Variants in CADM2 observed in about 807,000 individuals in gnomAD.
CADM2 encodes the protein cell adhesion molecule 2.
Under a neutral mutation model 49.8 loss-of-function variants are expected in CADM2, and 12 were observed. That is an observed-to-expected ratio of 0.24 (90% CI 0.15 to 0.39). The LOEUF (loss-of-function observed/expected upper bound fraction) is 0.39, where lower values mean the gene tolerates loss of function less well. Ranked by LOEUF, CADM2 falls within the 10% of genes least tolerant of loss-of-function variation. CADM2 has a pLI of 1.00. For missense variants in CADM2, 378 were observed against 492.3 expected (o/e 0.77, Z 2.20); for synonymous variants, 214 against 175.4 (o/e 1.22, Z -1.74).
At chr3:85,922,776 T>C (rs1719299689) in intron 6 of CADM2, among the ~76,000 whole-genome samples, 3 of 152,118 alleles carry the variant, frequency 2.0e-5, no homozygotes, top group African/African-American at 7.2e-5. Context: ...CATTTTCATT[T>C]TTAGATTTAT....
chr3:85,392,522 A>C (rs552320823), intron 1 of CADM2, among the ~76,000 whole-genome samples: 1 of 152,214 alleles, frequency 6.6e-6, no homozygotes, highest in East Asian at 1.9e-4. Context: ...GTGCCATCTA[A>C]GTCTTTTCTT....
intron 3 of CADM2, among the ~76,000 whole-genome samples, chr3:85,881,891 G>C (rs1421148847): frequency 6.6e-6 from 1 of 152,018 alleles, no homozygotes; most frequent in African/African-American, 2.4e-5. Flanking sequence ...TTCTCATAAG[G>C]GGCACGCAAC....
intron 1 of CADM2, among the ~76,000 whole-genome samples, chr3:85,530,321 CGTT>C (rs2061271419): frequency 8.4e-6 from 1 of 119,054 alleles, no homozygotes; most frequent in Non-Finnish European, 1.6e-5. Context: ...TTCTTTTCTC[CGTT>C]TTTTTTTTTT....
intron 1 of CADM2, among the ~76,000 whole-genome samples, chr3:84,978,726 A>G (rs899106023): frequency 1.3e-5 from 2 of 152,136 alleles, no homozygotes; most frequent in African/African-American, 2.4e-5. Flanking sequence ...GTTCTTTTTT[A>G]TCAGAAATTT....
At chr3:85,504,581 C>A (rs1237557143) in intron 1 of CADM2, among the ~76,000 whole-genome samples, 1 of 152,196 alleles carries the variant, frequency 6.6e-6, no homozygotes, top group Non-Finnish European at 1.5e-5. Context: ...TTCTCCATGT[C>A]CCCATCAAAT....
chr3:85,228,867 G>T (rs1206000102), intron 1 of CADM2, among the ~76,000 whole-genome samples: 3 of 152,134 alleles, frequency 2.0e-5, no homozygotes, highest in Non-Finnish European at 4.4e-5. Flanking sequence ...GAGAACCACT[G>T]CTCTCTTCAG....
intron 1 of CADM2, among the ~76,000 whole-genome samples, chr3:84,973,910 A>G (rs910737734): frequency 2.0e-5 from 3 of 152,134 alleles, no homozygotes; most frequent in Admixed American, 1.3e-4. Context: ...TTTATTCAAT[A>G]TGTTTGAAAT....
intron 2 of CADM2, among the ~76,000 whole-genome samples, 199 bp downstream of exon 2, chr3:85,726,747 T>C (rs972106447): frequency 1.3e-5 from 2 of 152,106 alleles, no homozygotes; most frequent in Admixed American, 6.5e-5. Context: ...TGAATGTTTG[T>C]GAGTTTGTTT....
chr3:86,020,085 G>T (rs560760835), intron 8 of CADM2, among the ~76,000 whole-genome samples: 2 of 151,932 alleles, frequency 1.3e-5, no homozygotes, highest in African/African-American at 4.8e-5. Context: ...TTGATGGACC[G>T]CTAGCAAGAC....
intron 8 of CADM2, among the ~76,000 whole-genome samples, chr3:85,982,076 G>A (rs540825537): frequency 8.6e-5 from 13 of 151,678 alleles, no homozygotes; most frequent in South Asian, 2.1e-4. Context: ...ATTTCATTGC[G>A]GTTTTGATTT....
At chr3:85,124,758 C>G (rs957486607) in intron 1 of CADM2, among the ~76,000 whole-genome samples, 1 of 151,974 alleles carries the variant, frequency 6.6e-6, no homozygotes, top group Non-Finnish European at 1.5e-5. Context: ...TTACATTAGC[C>G]AAAATTCAGC....
chr3:85,793,091 G>T (rs1471124662), intron 2 of CADM2, among the ~76,000 whole-genome samples: 3 of 151,718 alleles, frequency 2.0e-5, no homozygotes, highest in Non-Finnish European at 2.9e-5. Flanking sequence ...ATTCAAAAAA[G>T]GTTTGACCAT....
In CADM2 at chr3:85,966,391, C is replaced by A. The variant is rs1022369269; in HGVS notation, c.970+4744C>A. On this transcript the variant is annotated intron_variant, in intron 8 of 9. Transcript: ENST00000383699. ...CTTTTCAAATTTATTTTTTCTTTTACCGTAGTAACCCTATGTGAGTGTTAA... is the reference window on the plus strand; with the variant it reads ...CTTTTCAAATTTATTTTTTCTTTTAACGTAGTAACCCTATGTGAGTGTTAA... Among the ~76,000 whole-genome samples, 4 of 151,502 alleles carry A rather than the reference C, an allele frequency of 2.6e-5. No individual in the cohort carries two copies. The South Asian group carries it at 8.3e-4, about 31-fold the overall frequency.
At chr3:85,202,222 C>G (rs1392743343) in intron 1 of CADM2, among the ~76,000 whole-genome samples, 2 of 152,006 alleles carry the variant, frequency 1.3e-5, no homozygotes, top group African/African-American at 4.8e-5. Flanking sequence ...GATCTTTTGA[C>G]TTCCTCTCAT....
At chr3:85,243,901 T>G (rs998890142) in intron 1 of CADM2, among the ~76,000 whole-genome samples, 15 of 152,094 alleles carry the variant, frequency 9.9e-5, no homozygotes, top group African/African-American at 3.4e-4. Flanking sequence ...TGTTATTATA[T>G]AAATATTTAA....
chr3:85,556,780 T>G (rs1033303947), intron 1 of CADM2, among the ~76,000 whole-genome samples: 2 of 152,164 alleles, frequency 1.3e-5, no homozygotes. Flanking sequence ...ATCCTTTGCA[T>G]GCTTAGGCAA....
intron 1 of CADM2, among the ~76,000 whole-genome samples, chr3:85,427,618 A>G (rs1361839286): frequency 1.3e-5 from 2 of 152,098 alleles, no homozygotes; most frequent in Non-Finnish European, 2.9e-5. Context: ...GAGATCCTTC[A>G]ATTGTAATGT....
rs3085115 is a variant in CADM2, at chr3:85,191,945, T to TTGTGTGTGTGTGTG, written c.61+232289_61+232302dup. ...AATAGAGAGTAATAAGATGAAACAG[T>TTGTGTGTGTGTGTG]TGTGTGTGTGTGTGTGTGTGTGTGT... On this transcript the variant is annotated intron_variant, in intron 1 of 9. Transcript: ENST00000383699. Among the ~76,000 whole-genome samples the TTGTGTGTGTGTGTG allele has an allele frequency of 8.8e-3, 1,319 of 149,092 alleles. 10 individuals are homozygous for TTGTGTGTGTGTGTG. Among genetic ancestry groups the TTGTGTGTGTGTGTG allele is most frequent in the African/African-American group, 0.014 (569 of 40,644 alleles).
chr3:85,636,983 G>C (rs2107538023), intron 1 of CADM2, among the ~76,000 whole-genome samples: 1 of 152,220 alleles, frequency 6.6e-6, no homozygotes, highest in African/African-American at 2.4e-5. Flanking sequence ...TCATTAGAGA[G>C]GTTATTGTTG....
Sources: allele counts gnomAD v4.1 joint callset (sites outside exome capture counted in the v4.1 genomes callset), GRCh38; gene constraint gnomAD v4.1.1; transcripts MANE v1.5; gene names NCBI Gene and HGNC (gene_info 2026-07-23, HGNC 2026-07-21).